Variants in DHRSX observed in about 807,000 individuals in gnomAD.
DHRSX encodes dehydrogenase/reductase X-linked, also known as polyprenol dehydrogenase.
Under a neutral mutation model 34.0 loss-of-function variants are expected in DHRSX, and 31 were observed. The ratio of observed to expected loss-of-function variants is 0.91; its 90% CI spans 0.69 to 1.23. DHRSX has a LOEUF of 1.23. DHRSX is among the 50% of genes most tolerant of loss of function. The probability of loss-of-function intolerance (pLI) is 0.00; values close to 1 mark genes in which losing one functional copy is unlikely to be tolerated. For missense variants in DHRSX, 414 were observed against 428.1 expected (o/e 0.97, Z 0.29); for synonymous variants, 201 against 183.8 (o/e 1.09, Z -0.76).
intron 3 of DHRSX, among the ~76,000 whole-genome samples, chrX:2,319,542 C>CAAAA (rs776261461): frequency 1.9e-5 from 2 of 107,326 alleles, no homozygotes; most frequent in East Asian, 6.8e-4. Context: ...GACTCCATCT[C>CAAAA]AAAAAAAAAA....
chrX:2,236,465 CTT>C (rs1235809805), intron 6 of DHRSX, among the ~76,000 whole-genome samples: 1 of 152,022 alleles, frequency 6.6e-6, no homozygotes, highest in Non-Finnish European at 1.5e-5. Flanking sequence ...GAGTTTCACT[CTT>C]GTCACCCAGG....
chrX:2,458,303 T>G (rs7891477), intron 1 of DHRSX, among the ~76,000 whole-genome samples: 41,481 of 151,742 alleles, frequency 0.27, 6,306 homozygotes, highest in African/African-American at 0.4. Context: ...GCAAAGAATG[T>G]TGTGCAGGAT....
intron 1 of DHRSX, among the ~76,000 whole-genome samples, chrX:2,490,942 C>A (rs183642630): frequency 6.6e-6 from 1 of 152,172 alleles, no homozygotes; most frequent in African/African-American, 2.4e-5. Flanking sequence ...GAGGAGGGAA[C>A]CTAGCGCAGG....
chrX:2,346,252 G>A (rs1008206747), intron 3 of DHRSX, among the ~76,000 whole-genome samples: 1 of 30,824 alleles, frequency 3.2e-5, no homozygotes, highest in Non-Finnish European at 2.6e-4. Context: ...CATCTGACAT[G>A]CCCGAGTTGT....
Position 2,219,628 on chromosome X carries a change from G to A in DHRSX, c.*1413C>T, listed in dbSNP as rs753999573. 2 of 152,302 alleles carry A rather than the reference G, an allele frequency of 1.3e-5. No individual in the cohort carries two copies. The highest frequency in any genetic ancestry group is 3.9e-4 in the East Asian group (2 of 5,194). 9.4% of individuals were successfully genotyped at this position (152,302 alleles called of 1,614,324 possible). On this transcript the variant is annotated 3_prime_UTR_variant, in exon 7 of 7. Coordinates refer to ENST00000334651, the MANE Select transcript of DHRSX (RefSeq NM_145177.3). ...TAAGAAGCACATGCCCCCACAATTA[G>A]TTTGAACTCCATCCTGGAATTGCAG...
At chrX:2,277,111 G>A (rs1323799365) in intron 4 of DHRSX, among the ~76,000 whole-genome samples, 2 of 76,330 alleles carry the variant, frequency 2.6e-5, no homozygotes, top group African/African-American at 6.8e-5. Context: ...GGAGAGAGAG[G>A]GAGGGCAAAC....
At chrX:2,429,615 T>C (rs1364239904) in intron 1 of DHRSX, among the ~76,000 whole-genome samples, 1 of 81,232 alleles carries the variant, frequency 1.2e-5, no homozygotes, top group African/African-American at 7.4e-5. Flanking sequence ...ACTTGGCTAA[T>C]TTTTTTTACT....
At chrX:2,231,883 T>C (rs1288759052) in intron 6 of DHRSX, among the ~76,000 whole-genome samples, 2 of 148,956 alleles carry the variant, frequency 1.3e-5, no homozygotes, top group African/African-American at 4.9e-5. Flanking sequence ...CTCCAACTTC[T>C]TCCTCCTCCT....
At chrX:2,258,445 G>A (rs1186473719) in intron 5 of DHRSX, among the ~76,000 whole-genome samples, 1 of 151,742 alleles carries the variant, frequency 6.6e-6, no homozygotes, top group African/African-American at 2.4e-5. Context: ...GGTATTCTGT[G>A]ATAGCAGCCT....
intron 3 of DHRSX, among the ~76,000 whole-genome samples, chrX:2,320,963 C>T (rs1026563919): frequency 3.9e-5 from 6 of 152,018 alleles, no homozygotes; most frequent in African/African-American, 1.2e-4. Context: ...TCAGAGTGTT[C>T]GCAACATCCG....
rs146624764 is a variant in DHRSX, at chrX:2,345,099, C to G, written c.287-53496G>C. On this transcript the variant is annotated intron_variant, in intron 3 of 6. Transcript: ENST00000334651. ...ATCACAAGTCCCCTCAGAGCAGCTT[C>G]CATGGCTTCCCCTGCCTCTTGAAAT... Among the ~76,000 whole-genome samples the G allele has an allele frequency of 8.3e-4, 126 of 151,802 alleles. 1 individual carries two copies. In the East Asian group the frequency reaches 0.02, roughly 25 times the overall value.
intron 3 of DHRSX, among the ~76,000 whole-genome samples, chrX:2,306,600 G>A (rs1488158764): frequency 2.0e-5 from 3 of 151,762 alleles, no homozygotes; most frequent in African/African-American, 7.3e-5. Flanking sequence ...TTACAGACGC[G>A]CACCACCACG....
intron 3 of DHRSX, among the ~76,000 whole-genome samples, chrX:2,338,850 C>T (rs1005067450): frequency 3.3e-5 from 5 of 151,986 alleles, no homozygotes; most frequent in Admixed American, 1.3e-4. Flanking sequence ...CGAAGACACC[C>T]CAGCTCTCTC....
Position 2,302,536 on chromosome X carries a change from C to T in DHRSX, c.287-10933G>A, listed in dbSNP as rs1336144997. Among the ~76,000 whole-genome samples, 10 of 152,136 alleles carry T rather than the reference C, an allele frequency of 6.6e-5. No homozygotes were observed. The East Asian group carries it at 7.7e-4, about 12-fold the overall frequency. On this transcript the variant is annotated intron_variant, in intron 3 of 6. Transcript: ENST00000334651. ...CTGAGGCAGGAGAATTGCTTAAACC[C>T]GGGAGGTGGAGGTTGCAGTGAGCTG...
intron 5 of DHRSX, 28 bp downstream of exon 5, chrX:2,266,712 G>A (rs1367423933): frequency 1.2e-6 from 2 of 1,605,538 alleles, no homozygotes; most frequent in South Asian, 2.2e-5. Flanking sequence ...CTGAGATGCT[G>A]TTATGATTAT....
At chrX:2,265,409 G>A (rs1243741742) in intron 5 of DHRSX, among the ~76,000 whole-genome samples, 8 of 126,328 alleles carry the variant, frequency 6.3e-5, no homozygotes, top group African/African-American at 9.2e-5. Context: ...TACAGCAGAC[G>A]CAGGGAGCAC....
chrX:2,450,098 G>C (rs2044195376), intron 1 of DHRSX, among the ~76,000 whole-genome samples: 1 of 151,260 alleles, frequency 6.6e-6, no homozygotes, highest in South Asian at 2.1e-4. Flanking sequence ...CTCCACCCAG[G>C]ACAAATAAGT....
chrX:2,297,962 G>A (rs1215964807), intron 3 of DHRSX, among the ~76,000 whole-genome samples: 2 of 151,870 alleles, frequency 1.3e-5, no homozygotes, highest in Non-Finnish European at 2.9e-5. Flanking sequence ...CACCATGTTG[G>A]CCGGGCTGGT....
At chrX:2,353,907 T>G (rs186574759) in intron 3 of DHRSX, among the ~76,000 whole-genome samples, 54 of 152,108 alleles carry the variant, frequency 3.6e-4, no homozygotes, top group African/African-American at 1.3e-3. Context: ...AAATTATATG[T>G]ATGCACACAC....
Sources: allele counts gnomAD v4.1 joint callset (sites outside exome capture counted in the v4.1 genomes callset), GRCh38; gene constraint gnomAD v4.1.1; transcripts MANE v1.5; gene names NCBI Gene and HGNC (gene_info 2026-07-23, HGNC 2026-07-21).